The following MS4A18 variants were observed in gnomAD, a reference collection of about 807,000 sequenced individuals.
MS4A18 encodes membrane-spanning 4-domains subfamily A member 18.
A neutral mutation model predicts 13.1 loss-of-function variants in MS4A18; 27 were observed. That is an observed-to-expected ratio of 2.06 (90% confidence interval 1.52 to 2.84). The LOEUF is 2.84. Among genes scored for constraint, MS4A18 ranks in the 30% most tolerant of loss-of-function variants. The pLI, the probability that MS4A18 is intolerant of heterozygous loss-of-function variation, is 0.00. For missense variants in MS4A18, 307 were observed against 196.4 expected (o/e 1.56, Z -3.37); for synonymous variants, 126 against 76.5 (o/e 1.65, Z -3.38).
intron 2 of MS4A18, among the ~76,000 whole-genome samples, chr11:60,735,733 G>T (rs1168297804): frequency 7.7e-6 from 1 of 129,046 alleles, no homozygotes; most frequent in Non-Finnish European, 1.5e-5. Flanking sequence ...GCACAATCTT[G>T]GCTCACTTCA....
chr11:60,726,937 C>A (rs1309610097), upstream of MS4A18, among the ~76,000 whole-genome samples: 1 of 151,744 alleles, frequency 6.6e-6, no homozygotes, highest in Non-Finnish European at 1.5e-5. Flanking sequence ...TGCCCCCCAA[C>A]CCTCCGACAG....
At chr11:60,733,495 G>A (rs757588984) in intron 1 of MS4A18, 39 bp from the exon 3 acceptor site, 17 of 702,888 alleles carry the variant, frequency 2.4e-5, no homozygotes, top group South Asian at 7.4e-5. Flanking sequence ...CCACAGGCCC[G>A]CAGTTCTGCT....
At position 60,733,592 on chromosome 11, in the gene MS4A18, A is replaced by G. The variant is rs1412525474; in HGVS notation, c.536A>G (p.Tyr179Cys). ...TTCTCTGCAATTAACCCTGTGCTGT[A>G]TTACTATCCTTTTGTGACCTGGTTG... is the stretch of plus-strand genomic sequence containing the variant. Residue 179 changes from tyrosine (Y) to cysteine (C), a missense_variant, in exon 2 of 6, where the codon TAT (tyrosine) becomes TGT (cysteine). Transcript: ENST00000529108. 4.3e-6 allele frequency: 3 copies of G among 703,592 alleles called. No individual in the cohort carries two copies. The Admixed American group carries it at 6.0e-5, about 14-fold the overall frequency. The allele number at this position is 703,592 out of a possible 1,614,324, so 43.6% of individuals were successfully genotyped here.
chr11:60,743,950 A>C lies in MS4A18; in HGVS notation c.1159A>C (p.Ile387Leu), dbSNP rs1441751137. Residue 387 changes from isoleucine to leucine, a missense_variant, in exon 6 of 6, where the codon ATC becomes CTC. Transcript: ENST00000529108. ...AGCTACCACCAGTTGTGTCAATGCT[A>C]TCCACACCAGCAATGTACCCCCGAA... The C allele has an allele frequency of 1.0e-5, 7 of 703,104 alleles. No individual in the cohort carries two copies. The South Asian group carries it at 1.0e-4, about 10-fold the overall frequency. 43.6% of individuals were successfully genotyped at this position (703,104 alleles called of 1,614,324 possible).
At chr11:60,742,784 A>G (rs746621804) in intron 5 of MS4A18, among the ~76,000 whole-genome samples, 2 of 152,196 alleles carry the variant, frequency 1.3e-5, no homozygotes, top group Non-Finnish European at 2.9e-5. Context: ...TGCAAACTAA[A>G]TCATTCCTTC....
At chr11:60,728,676 C>G (rs1434181920), upstream of MS4A18, among the ~76,000 whole-genome samples, 1 of 151,786 alleles carries the variant, frequency 6.6e-6, no homozygotes, top group Non-Finnish European at 1.5e-5. Flanking sequence ...TTCTCCTTCC[C>G]TCTCGCTCTC....
At chr11:60,744,266 G>A (rs1230971166), downstream of MS4A18, 2 of 406,006 alleles carry the variant, frequency 4.9e-6, no homozygotes, top group Non-Finnish European at 9.0e-6. Flanking sequence ...TGGTTCCGTG[G>A]TTCCTGATGT....
rs556319936 is a variant in MS4A18, at chr11:60,732,456, G to A, written c.478-1078G>A. On this transcript the variant is annotated intron_variant, in intron 1 of 5. Coordinates refer to ENST00000529108, the Ensembl canonical transcript of MS4A18. Reference sequence around the variant, plus strand: ...AATACTTACTGCATTCAGGCCTGGCGTGGTGGCTCACCCCTGTAATCCCAG... The same window carrying A: ...AATACTTACTGCATTCAGGCCTGGCATGGTGGCTCACCCCTGTAATCCCAG... Among the ~76,000 whole-genome samples the A allele has an allele frequency of 3.3e-3, 501 of 152,128 alleles. 3 individuals are homozygous for A. Among genetic ancestry groups the A allele is most frequent in the African/African-American group, 0.011 (474 of 41,504 alleles).
At chr11:60,729,345 T>A (rs919666543) in exon 1 of MS4A18, 3 of 702,658 alleles carry the variant, frequency 4.3e-6, no homozygotes, top group Non-Finnish European at 7.8e-6. Context: ...GAGCCAACAG[T>A]GTACCTGGCA....
intron 1 of MS4A18, among the ~76,000 whole-genome samples, chr11:60,731,095 A>T (rs969365492): frequency 1.3e-5 from 2 of 151,448 alleles, no homozygotes; most frequent in African/African-American, 2.4e-5. Context: ...CTCAGTCTTT[A>T]AAAAAAAAGA....
upstream of MS4A18, among the ~76,000 whole-genome samples, chr11:60,725,907 G>A (rs1853152863): frequency 1.3e-5 from 2 of 152,124 alleles, no homozygotes; most frequent in African/African-American, 2.4e-5. Context: ...TGCTGTAGTT[G>A]TTATTCTAAA....
rs537833200 is a variant in MS4A18 at position 60,738,575 on chromosome 11, G to A, written c.649-327G>A. ...GAATGATTTTGGGTGGAGGTTTGGA[G>A]GAAAGAAAGGATCAGGTAAAACAAC... On this transcript the variant is annotated intron_variant, in intron 3 of 5. Transcript: ENST00000529108. Among the ~76,000 whole-genome samples the A allele has an allele frequency of 7.2e-5, 11 of 152,210 alleles. No individual in the cohort carries two copies. In the South Asian group the frequency reaches 1.2e-3, roughly 17 times the overall value.
downstream of MS4A18, chr11:60,744,312 C>T: frequency 3.3e-6 from 1 of 301,496 alleles, no homozygotes. Context: ...TAAATCGGTG[C>T]CTCAGCCATG....
rs776965050 is a variant in MS4A18, at chr11:60,733,532, AG to A, written c.478del. On this transcript the variant is annotated splice_acceptor_variant, in intron 1 of 5. Transcript: ENST00000529108. LOFTEE classifies it high-confidence loss of function. ...TCTCACAGTGACTTGTTCTCCCTGCAGGCCATCCAGATCCTCATCGGCCTGA... is the reference window on the plus strand; with the variant it reads ...TCTCACAGTGACTTGTTCTCCCTGCAGCCATCCAGATCCTCATCGGCCTGA... The A allele has an allele frequency of 3.0e-5, 21 of 703,256 alleles. No individual in the cohort carries two copies. The highest frequency in any genetic ancestry group is 3.0e-4 in the South Asian group (20 of 67,610). The allele number at this position is 703,256 out of a possible 1,614,324, so 43.6% of individuals were successfully genotyped here.
chr11:60,726,624 C>T (rs1853165206), upstream of MS4A18, among the ~76,000 whole-genome samples: 1 of 152,040 alleles, frequency 6.6e-6, no homozygotes, highest in African/African-American at 2.4e-5. Context: ...ACTTTGAGAT[C>T]CTCTGCTATT....
exon 1 of MS4A18, chr11:60,729,578 C>T (rs1426561695): frequency 1.4e-5 from 10 of 702,680 alleles, no homozygotes; most frequent in Non-Finnish European, 2.3e-5. Flanking sequence ...CCAGTGGGAA[C>T]AGCCAGTTTG....
chr11:60,742,152 C>A (rs1204770373), intron 5 of MS4A18, among the ~76,000 whole-genome samples: 1 of 152,168 alleles, frequency 6.6e-6, no homozygotes. Context: ...CCATTGTTTT[C>A]TATTGCTTCC....
chr11:60,734,488 C>A (rs1016807425), intron 2 of MS4A18, among the ~76,000 whole-genome samples: 3 of 152,156 alleles, frequency 2.0e-5, no homozygotes, highest in African/African-American at 4.8e-5. Context: ...GTGCTGCCAC[C>A]TCATAAGGCA....
intron 2 of MS4A18, 96 bp downstream of exon 3, chr11:60,733,743 T>C: frequency 1.4e-6 from 1 of 695,762 alleles, no homozygotes; most frequent in South Asian, 1.5e-5. Context: ...TTCCCAGTAA[T>C]ATGACTCTGT....
Sources: allele counts gnomAD v4.1 joint callset (sites outside exome capture counted in the v4.1 genomes callset), GRCh38; gene constraint gnomAD v4.1.1; transcripts MANE v1.5; gene names NCBI Gene and HGNC (gene_info 2026-07-23, HGNC 2026-07-21).